The following TASOR2 variants were observed in gnomAD, a reference collection of about 807,000 sequenced individuals.
TASOR2 encodes transcription activation suppressor family member 2.
In TASOR2, 84 loss-of-function variants were observed where a neutral mutation model predicts 199.5. The ratio of observed to expected loss-of-function variants is 0.42; its 90% confidence interval spans 0.35 to 0.50. TASOR2 has a LOEUF of 0.50. Among genes scored for constraint, TASOR2 ranks in the 20% least tolerant of loss-of-function variants. TASOR2 has a pLI of 0.02. For missense variants in TASOR2, 2,796 were observed against 2,835.9 expected (o/e 0.99, Z 0.32); for synonymous variants, 1,103 against 1,046.6 (o/e 1.05, Z -1.04).
chr10:5,699,604 A>T lies in TASOR2; in HGVS notation c.-287-13219A>T, dbSNP rs971063149. On this transcript the variant is annotated intron_variant, in intron 1 of 20. Coordinates refer to ENST00000328090, the Ensembl canonical transcript of TASOR2. This position sits in a 1 kb window ranked among gnomAD's most constrained non-coding sequence, Gnocchi z 4.1. ...ACAAGAACTCAAGGAAGAGACAGCC[A>T]GACAACAGTAGAGTGTGAAATGGGA... is the stretch of plus-strand genomic sequence containing the variant. 3 of 155,234 alleles carry T rather than the reference A, an allele frequency of 1.9e-5. No individual in the cohort carries two copies. The highest frequency in any genetic ancestry group is 7.2e-5 in the African/African-American group (3 of 41,514). 9.6% of individuals were successfully genotyped at this position (155,234 alleles called of 1,614,324 possible).
intron 1 of TASOR2, among the ~76,000 whole-genome samples, chr10:5,693,505 C>A (rs1430633790): frequency 6.6e-6 from 1 of 152,130 alleles, no homozygotes; most frequent in Non-Finnish European, 1.5e-5. Flanking sequence ...AATAGGGTCA[C>A]TTTGTTTTCT....
chr10:5,746,202 A>G, exon 15 of TASOR2: 1 of 1,565,364 alleles, frequency 6.4e-7, no homozygotes, highest in Non-Finnish European at 8.7e-7. Context: ...AAGCTAAACA[A>G]GAATCATTGG....
intron 1 of TASOR2, among the ~76,000 whole-genome samples, chr10:5,703,696 G>A (rs1243648157): frequency 6.6e-6 from 1 of 151,170 alleles, no homozygotes; most frequent in Admixed American, 6.6e-5. Context: ...GTAGAGACGG[G>A]GTTTCACTGT....
rs1251820302 is a variant in TASOR2 at position 5,710,263 on chromosome 10, G to A, written c.-287-2560G>A. On this transcript the variant is annotated intron_variant, in intron 1 of 20. Coordinates refer to ENST00000328090, the Ensembl canonical transcript of TASOR2. The surrounding 1 kb of genome is among the most constrained non-coding windows in gnomAD (Gnocchi z 4.6). ...GTAATTGATGTCATTATGAACCCAT[G>A]AAAGATTTAAGATTAGCTATGATTT... is the stretch of plus-strand genomic sequence containing the variant. Among the ~76,000 whole-genome samples the A allele has an allele frequency of 6.6e-6, 1 of 152,046 alleles. No homozygotes were observed. The highest frequency in any genetic ancestry group is 1.5e-5 in the Non-Finnish European group (1 of 67,948).
At chr10:5,695,755 G>T (rs1277140325) in intron 1 of TASOR2, among the ~76,000 whole-genome samples, 1 of 152,156 alleles carries the variant, frequency 6.6e-6, no homozygotes, top group African/African-American at 2.4e-5. Context: ...AAAGGAGATG[G>T]GCAAGTAATA....
exon 11 of TASOR2, chr10:5,731,145 G>A (rs776213893): frequency 3.0e-5 from 48 of 1,610,886 alleles, no homozygotes; most frequent in South Asian, 2.3e-4. Flanking sequence ...ACAACAGCTC[G>A]GACTCTCCAA....
At chr10:5,723,069 T>G (rs1383320725) in intron 6 of TASOR2, among the ~76,000 whole-genome samples, 1 of 127,496 alleles carries the variant, frequency 7.8e-6, no homozygotes, top group African/African-American at 2.8e-5. Flanking sequence ...TTTTTTTTTT[T>G]GAGACGGAGT....
At position 5,720,733 on chromosome 10, in the gene TASOR2, T is replaced by G; in HGVS notation, c.27-22T>G. ...TCCTTTTACTCTTGTAAACATGTTC[T>G]TTTTCTTTCTTTTTCTGCTAGACTT... On this transcript the variant is annotated intron_variant, in intron 4 of 20. Transcript: ENST00000328090. This position sits in a 1 kb window ranked among gnomAD's most constrained non-coding sequence, Gnocchi z 5.3. 1 of 1,613,750 alleles carries G rather than the reference T, an allele frequency of 6.2e-7. No homozygotes were observed. The highest frequency in any genetic ancestry group is 1.3e-5 in the African/African-American group (1 of 75,046).
chr10:5,720,271 G>A lies in TASOR2; in HGVS notation c.-99-273G>A. On this transcript the variant is annotated intron_variant, in intron 3 of 20. Coordinates refer to ENST00000328090, the Ensembl canonical transcript of TASOR2. The surrounding 1 kb of genome is among the most constrained non-coding windows in gnomAD (Gnocchi z 5.3). ...TATTTTCATTCTAGGGAAAAGTCAA[G>A]TTTGTGTCTGAGAATTATACAACTA... The A allele has an allele frequency of 1.0e-6, 1 of 985,354 alleles. No individual in the cohort carries two copies. Among genetic ancestry groups the A allele is most frequent in the Non-Finnish European group, 1.2e-6 (1 of 829,876 alleles). The allele number at this position is 985,354 out of a possible 1,614,324, so 61.0% of individuals were successfully genotyped here.
At chr10:5,747,526 T>C in exon 15 of TASOR2, 1 of 1,614,106 alleles carries the variant, frequency 6.2e-7, no homozygotes, top group Non-Finnish European at 8.5e-7. Context: ...ACCAGTTACT[T>C]TAATACTTTC....
Position 5,701,622 on chromosome 10 carries a change from A to G in TASOR2, c.-287-11201A>G, listed in dbSNP as rs1377839624. On this transcript the variant is annotated intron_variant, in intron 1 of 20. Coordinates refer to ENST00000328090, the Ensembl canonical transcript of TASOR2. The surrounding 1 kb of genome is among the most constrained non-coding windows in gnomAD (Gnocchi z 4.9). ...AGTATCTTTCTATTTTTTAATGTCC[A>G]CTTCAATTTCTTTCATCATTGTTTT... Among the ~76,000 whole-genome samples the G allele has an allele frequency of 6.6e-6, 1 of 151,996 alleles. No homozygotes were observed. The highest frequency in any genetic ancestry group is 1.5e-5 in the Non-Finnish European group (1 of 67,940).
At chr10:5,734,693 A>G (rs1835304942) in intron 11 of TASOR2, among the ~76,000 whole-genome samples, 1 of 145,594 alleles carries the variant, frequency 6.9e-6, no homozygotes, top group African/African-American at 2.6e-5. Flanking sequence ...TACCTGTCAC[A>G]TTAGTCAGGA....
At chr10:5,761,202 A>G (rs892934552) in intron 18 of TASOR2, 88 bp from the exon 20 acceptor site, 18 of 1,143,628 alleles carry the variant, frequency 1.6e-5, no homozygotes, top group Middle Eastern at 3.0e-4. Flanking sequence ...AGAGGAACTC[A>G]TGAGTTTGAA....
intron 1 of TASOR2, among the ~76,000 whole-genome samples, chr10:5,700,528 G>A (rs9423948): frequency 0.54 from 82,367 of 151,854 alleles, 22,936 homozygotes; most frequent in Middle Eastern, 0.65. Context: ...CATAGTGGCT[G>A]TACTAACTTA....
In TASOR2 at chr10:5,722,877, G is replaced by T. The variant is rs1383705845; in HGVS notation, c.147-800G>T. ...ACAAAAATTAGCTGGGCATGGTGCG[G>T]CATGCTTGTAATCCCAGCTATTCGG... On this transcript the variant is annotated intron_variant, in intron 6 of 20. Coordinates refer to ENST00000328090, the Ensembl canonical transcript of TASOR2. The surrounding 1 kb of genome is among the most constrained non-coding windows in gnomAD (Gnocchi z 4.0). Among the ~76,000 whole-genome samples, 1 of 150,998 alleles carries T rather than the reference G, an allele frequency of 6.6e-6. No homozygotes were observed. The highest frequency in any genetic ancestry group is 1.5e-5 in the Non-Finnish European group (1 of 67,742).
At chr10:5,747,507 T>A in exon 15 of TASOR2, 1 of 1,614,088 alleles carries the variant, frequency 6.2e-7, no homozygotes, top group Middle Eastern at 1.6e-4. Context: ...GAAAGGGGGA[T>A]AATTTACAAC....
intron 14 of TASOR2, among the ~76,000 whole-genome samples, chr10:5,745,341 G>A (rs1005900767): frequency 6.6e-6 from 1 of 152,190 alleles, no homozygotes; most frequent in African/African-American, 2.4e-5. Context: ...AAGGGATGAG[G>A]GGCCTTTGTT....
intron 11 of TASOR2, among the ~76,000 whole-genome samples, chr10:5,733,402 G>C (rs2131598587): frequency 6.6e-6 from 1 of 152,272 alleles, no homozygotes; most frequent in East Asian, 1.9e-4. Context: ...CAGCAACTTG[G>C]GAGGCTGAGA....
exon 15 of TASOR2, chr10:5,749,694 C>T: frequency 6.2e-7 from 1 of 1,614,172 alleles, no homozygotes; most frequent in African/African-American, 1.3e-5. Flanking sequence ...TTTCATTCCA[C>T]CTCAACAAAC....
Sources: allele counts gnomAD v4.1 joint callset (sites outside exome capture counted in the v4.1 genomes callset), GRCh38; gene constraint gnomAD v4.1.1; non-coding constraint Gnocchi (gnomAD v3.1); transcripts MANE v1.5; gene names NCBI Gene and HGNC (gene_info 2026-07-23, HGNC 2026-07-21).